Variants in SIM1 observed in about 807,000 individuals in gnomAD.
SIM1 encodes the protein single-minded homolog 1.
In SIM1, 18 loss-of-function variants were observed where a neutral mutation model predicts 78.2. That is an observed-to-expected ratio of 0.23 (90% CI 0.16 to 0.34). The LOEUF (loss-of-function observed/expected upper bound fraction) is 0.34. SIM1 is among the 10% of genes least tolerant of loss of function. The pLI, the probability that SIM1 is intolerant of heterozygous loss-of-function variation, is 1.00. For synonymous variants in SIM1, 417 were observed against 385.2 expected, an observed-to-expected ratio of 1.08 and a Z score of -0.97; for missense variants, 939 against 975.1, an observed-to-expected ratio of 0.96 and a Z score of 0.49.
intron 10 of SIM1, among the ~76,000 whole-genome samples, chr6:100,395,085 G>A (rs1355419628): frequency 3.3e-5 from 5 of 152,086 alleles, no homozygotes; most frequent in African/African-American, 1.2e-4. Flanking sequence ...CCTAGGAAGT[G>A]TGCTCAGTTT....
chr6:100,412,655 AAGAGAG>A (rs370580427), intron 10 of SIM1, among the ~76,000 whole-genome samples: 5 of 96,636 alleles, frequency 5.2e-5, no homozygotes, highest in Non-Finnish European at 6.4e-5. Context: ...GAAAGAAAGA[AAGAGAG>A]AGAGAGAGAG....
intron 10 of SIM1, among the ~76,000 whole-genome samples, chr6:100,407,844 C>T (rs777608444): frequency 4.6e-5 from 7 of 151,784 alleles, no homozygotes; most frequent in Non-Finnish European, 8.8e-5. Context: ...GTTTATTTTG[C>T]TATTGAGTTG....
intron 9 of SIM1, among the ~76,000 whole-genome samples, chr6:100,438,959 G>T (rs779717386): frequency 6.6e-6 from 1 of 152,122 alleles, no homozygotes; most frequent in Admixed American, 6.6e-5. Context: ...GGGCTTCCAG[G>T]GGAAAGGTTG....
intron 10 of SIM1, among the ~76,000 whole-genome samples, chr6:100,401,530 G>C (rs1017650489): frequency 1.3e-5 from 2 of 151,880 alleles, no homozygotes; most frequent in African/African-American, 4.8e-5. Context: ...TAAGGTTTAG[G>C]TAGAGGCATG....
At chr6:100,460,922 C>T (rs187328803) in intron 2 of SIM1, among the ~76,000 whole-genome samples, 62 of 152,178 alleles carry the variant, frequency 4.1e-4, no homozygotes, top group Non-Finnish European at 6.6e-4. Context: ...TTCTGATGAC[C>T]CTGTCTAGCT....
intron 10 of SIM1, among the ~76,000 whole-genome samples, chr6:100,394,971 C>T (rs986121058): frequency 7.9e-5 from 12 of 152,132 alleles, no homozygotes; most frequent in African/African-American, 2.9e-4. Flanking sequence ...CAGAAAATAA[C>T]AAGCCACAGG....
intron 9 of SIM1, among the ~76,000 whole-genome samples, chr6:100,429,986 G>C (rs1771859697): frequency 6.6e-6 from 1 of 151,952 alleles, no homozygotes; most frequent in Admixed American, 6.6e-5. Flanking sequence ...CTACCTTATA[G>C]AATGATCTGT....
chr6:100,438,566 A>G (rs1772119807), intron 9 of SIM1, among the ~76,000 whole-genome samples: 2 of 152,244 alleles, frequency 1.3e-5, no homozygotes, highest in South Asian at 2.1e-4. Context: ...TTCCTTAAGG[A>G]ACTAACAGTA....
In SIM1 at chr6:100,390,968, T is replaced by C. The variant is rs777146360; in HGVS notation, c.1694A>G (p.Glu565Gly). 1.2e-6 allele frequency: 2 copies of C among 1,614,164 alleles called. No individual in the cohort carries two copies. Among genetic ancestry groups the C allele is most frequent in the Non-Finnish European group, 1.7e-6 (2 of 1,180,030 alleles). ...TTGCTGAGTGGCTCTTATAAGAGTT[T>C]CAATTTTGCTGGGTTCATGTGGGCT... Reference protein sequence around the residue: ...QSSPHEPSKIETLIRATQQMI... With the variant: ...QSSPHEPSKIGTLIRATQQMI... Residue 565 changes from glutamate to glycine, a missense_variant, in exon 12 of 12, where the codon GAA becomes GGA. By Grantham distance (98) the Glu-to-Gly change is moderately conservative. Transcript: ENST00000369208.
At chr6:100,461,100 G>T (rs1177272724) in intron 2 of SIM1, among the ~76,000 whole-genome samples, 2 of 152,206 alleles carry the variant, frequency 1.3e-5, no homozygotes, top group East Asian at 1.9e-4. Context: ...TGAGGGGGCT[G>T]CAGAAAGCAC....
rs75488497 is a variant in SIM1 at position 100,430,086 on chromosome 6, A to C, written c.999-9128T>G. On this transcript the variant is annotated intron_variant, in intron 9 of 11. Transcript: ENST00000369208. ...TTATTACCATAATTGAAAAAAAAAG[A>C]AAGTCTTGTCATGTAGTTTCTTAAA... 3.1e-3 allele frequency among the ~76,000 whole-genome samples: 476 copies of C among 152,286 alleles called. 3 individuals are homozygous for C. The highest frequency in any genetic ancestry group is 4.8e-3 in the Non-Finnish European group (325 of 68,012).
At chr6:100,427,916 C>T (rs1049003271) in intron 9 of SIM1, among the ~76,000 whole-genome samples, 2 of 152,178 alleles carry the variant, frequency 1.3e-5, no homozygotes, top group African/African-American at 4.8e-5. Flanking sequence ...GACAGTATCT[C>T]ACATAGAACA....
At chr6:100,396,311 T>A (rs1160551287) in intron 10 of SIM1, among the ~76,000 whole-genome samples, 1 of 151,814 alleles carries the variant, frequency 6.6e-6, no homozygotes, top group African/African-American at 2.4e-5. Context: ...ATAAACCAGG[T>A]CTATTTCTGA....
chr6:100,406,090 G>A (rs576082997), intron 10 of SIM1, among the ~76,000 whole-genome samples: 1 of 152,124 alleles, frequency 6.6e-6, no homozygotes, highest in Non-Finnish European at 1.5e-5. Context: ...GGCATCCACG[G>A]CTGTAAATGA....
chr6:100,422,238 C>G (rs1184332174), intron 9 of SIM1, among the ~76,000 whole-genome samples: 1 of 152,106 alleles, frequency 6.6e-6, no homozygotes. Flanking sequence ...GTGTCTCACT[C>G]TGTCACCCAG....
chr6:100,433,375 T>G (rs895616448), intron 9 of SIM1, among the ~76,000 whole-genome samples: 1 of 152,114 alleles, frequency 6.6e-6, no homozygotes, highest in Non-Finnish European at 1.5e-5. Context: ...CTCAGGGCCT[T>G]TGCATTCACT....
chr6:100,450,023 T>A (rs1772469141), intron 4 of SIM1, among the ~76,000 whole-genome samples: 1 of 152,198 alleles, frequency 6.6e-6, no homozygotes, highest in South Asian at 2.1e-4. Context: ...CGTCCTCTCA[T>A]GTTGTCTGGC....
intron 2 of SIM1, among the ~76,000 whole-genome samples, chr6:100,455,900 A>T (rs1772639153): frequency 6.6e-6 from 1 of 152,154 alleles, no homozygotes; most frequent in African/African-American, 2.4e-5. Context: ...ACTAGTTCTG[A>T]ACTCCCGGCG....
chr6:100,456,158 T>C (rs1772649940), intron 2 of SIM1, among the ~76,000 whole-genome samples: 1 of 152,134 alleles, frequency 6.6e-6, no homozygotes, highest in African/African-American at 2.4e-5. Flanking sequence ...TATAAGGGAC[T>C]GGCTACTCTC....
Sources: allele counts gnomAD v4.1 joint callset (sites outside exome capture counted in the v4.1 genomes callset), GRCh38; gene constraint gnomAD v4.1.1; transcripts MANE v1.5; gene names NCBI Gene and HGNC (gene_info 2026-07-23, HGNC 2026-07-21).